The following GLI3 variants were observed in gnomAD, a reference collection of about 807,000 sequenced individuals.
GLI3 encodes the protein GLI family zinc finger 3.
A neutral mutation model predicts 100.8 loss-of-function variants in GLI3; 20 were observed. The observed-to-expected ratio is 0.20, with a 90% CI of 0.14 to 0.29. The LOEUF (loss-of-function observed/expected upper bound fraction) is 0.29, where lower values mean the gene tolerates loss of function less well. Ranked by LOEUF, GLI3 falls within the 10% of genes least tolerant of loss-of-function variation. The probability of loss-of-function intolerance (pLI) is 1.00; values close to 1 mark genes in which losing one functional copy is unlikely to be tolerated. For synonymous variants in GLI3, 938 were observed against 860.5 expected, an observed-to-expected ratio of 1.09 and a Z score of -1.58; for missense variants, 2,040 against 2,128.5, an observed-to-expected ratio of 0.96 and a Z score of 0.82.
At chr7:42,079,467 G>A (rs1227436443) in intron 3 of GLI3, among the ~76,000 whole-genome samples, 1 of 152,110 alleles carries the variant, frequency 6.6e-6, no homozygotes, top group African/African-American at 2.4e-5. Context: ...TGAAATATGG[G>A]GGTGGCTCTT....
intron 3 of GLI3, among the ~76,000 whole-genome samples, chr7:42,077,561 G>A (rs533031808): frequency 2.0e-5 from 3 of 151,922 alleles, no homozygotes; most frequent in South Asian, 2.1e-4. Flanking sequence ...TCCTCCCAAG[G>A]TAGTGTTAAC....
chr7:42,033,909 C>T (rs1371348529), intron 7 of GLI3, among the ~76,000 whole-genome samples: 1 of 152,186 alleles, frequency 6.6e-6, no homozygotes, highest in Admixed American at 6.5e-5. Flanking sequence ...TACACAAAGA[C>T]CCACATGCTC....
At chr7:42,151,360 A>G (rs1701559080) in intron 2 of GLI3, 1 of 152,248 alleles carries the variant, frequency 6.6e-6, no homozygotes, top group African/African-American at 2.4e-5. Flanking sequence ...CTTTCCAAGC[A>G]ATATTCCTGC....
intron 10 of GLI3, among the ~76,000 whole-genome samples, chr7:42,014,825 G>GTA (rs1788711353): frequency 6.6e-6 from 1 of 152,164 alleles, no homozygotes; most frequent in Admixed American, 6.5e-5. Flanking sequence ...GTGGCCACCA[G>GTA]GTGGTGACGA....
At chr7:42,094,517 C>T (rs1345300947) in intron 3 of GLI3, among the ~76,000 whole-genome samples, 1 of 151,964 alleles carries the variant, frequency 6.6e-6, no homozygotes, top group African/African-American at 2.4e-5. Flanking sequence ...AGGTGGATCA[C>T]TTGAGGTCAG....
intron 1 of GLI3, among the ~76,000 whole-genome samples, chr7:42,252,353 C>A (rs961860826): frequency 2.0e-5 from 3 of 151,924 alleles, no homozygotes; most frequent in East Asian, 1.9e-4. Flanking sequence ...GGGTGTTGGG[C>A]GGGAGGAGGA....
chr7:42,239,206 C>G (rs1193309660), upstream of GLI3, among the ~76,000 whole-genome samples: 3 of 152,288 alleles, frequency 2.0e-5, no homozygotes, highest in East Asian at 1.9e-4. Flanking sequence ...GCAGAGAGCA[C>G]GAGACTCAGA....
At chr7:42,174,352 G>T (rs1201980116) in intron 2 of GLI3, among the ~76,000 whole-genome samples, 3 of 152,130 alleles carry the variant, frequency 2.0e-5, no homozygotes, top group Non-Finnish European at 4.4e-5. Flanking sequence ...CTAATTTCCT[G>T]ACTTTGTTTA....
At chr7:42,102,629 C>T (rs1330944202) in intron 3 of GLI3, among the ~76,000 whole-genome samples, 1 of 152,194 alleles carries the variant, frequency 6.6e-6, no homozygotes, top group Admixed American at 6.5e-5. Flanking sequence ...GGCTTCAGTG[C>T]CTCACCAGGC....
At chr7:42,247,000 C>A (rs1788983313) in intron 1 of GLI3, among the ~76,000 whole-genome samples, 1 of 151,742 alleles carries the variant, frequency 6.6e-6, no homozygotes, top group African/African-American at 2.4e-5. Flanking sequence ...TTCCATTAAG[C>A]CGGTTGTACA....
intron 2 of GLI3, among the ~76,000 whole-genome samples, chr7:42,201,437 C>T (rs780909876): frequency 9.2e-5 from 14 of 152,090 alleles, no homozygotes; most frequent in Admixed American, 4.6e-4. Flanking sequence ...ATTCCAAGAC[C>T]CAAAGCTAGT....
chr7:42,005,897 G>C (rs999255533), intron 10 of GLI3, among the ~76,000 whole-genome samples: 1 of 152,152 alleles, frequency 6.6e-6, no homozygotes, highest in Non-Finnish European at 1.5e-5. Context: ...GCTGTTTTCA[G>C]GGCGTGAGGG....
intron 10 of GLI3, among the ~76,000 whole-genome samples, chr7:42,012,348 G>A (rs905143531): frequency 1.3e-5 from 2 of 152,084 alleles, no homozygotes; most frequent in Non-Finnish European, 2.9e-5. Flanking sequence ...GCACCACCAA[G>A]ATGGATTTTA....
At chr7:42,113,257 G>A (rs6463089) in intron 3 of GLI3, 45,316 of 508,554 alleles carry the variant, frequency 0.089, 2,255 homozygotes, top group African/African-American at 0.16. Flanking sequence ...ACAGAAGTAC[G>A]GAGCAGTGTG....
intron 10 of GLI3, among the ~76,000 whole-genome samples, chr7:42,002,757 T>C (rs1032462549): frequency 3.9e-5 from 6 of 152,216 alleles, no homozygotes; most frequent in Non-Finnish European, 7.3e-5. Context: ...AATCATAGCA[T>C]ACTTATTGGC....
chr7:42,134,014 G>A (rs1786360835), intron 3 of GLI3, among the ~76,000 whole-genome samples: 1 of 150,828 alleles, frequency 6.6e-6, no homozygotes, highest in Non-Finnish European at 1.5e-5. Context: ...TTGGGAGGTG[G>A]AGGTTGCAGT....
intron 3 of GLI3, among the ~76,000 whole-genome samples, chr7:42,098,186 A>G (rs1210112329): frequency 2.0e-5 from 3 of 152,036 alleles, no homozygotes; most frequent in Non-Finnish European, 4.4e-5. Flanking sequence ...GGAAGGCAGG[A>G]ATCAATGTGG....
chr7:42,131,669 T>C (rs1786279999), intron 3 of GLI3, among the ~76,000 whole-genome samples: 1 of 152,120 alleles, frequency 6.6e-6, no homozygotes, highest in South Asian at 2.1e-4. Context: ...GACACTATAA[T>C]AGAAAAGCTG....
chr7:42,100,516 G>C (rs138749747), intron 3 of GLI3, among the ~76,000 whole-genome samples: 13 of 151,712 alleles, frequency 8.6e-5, no homozygotes, highest in Middle Eastern at 3.4e-3. Context: ...TAGGCAGATC[G>C]ATTGAGCTCA....
Sources: gnomAD v4.1 joint callset for allele counts (sites outside exome capture counted in the v4.1 genomes callset) on GRCh38, gnomAD v4.1.1 for gene constraint, MANE v1.5 for transcripts, NCBI Gene and HGNC (gene_info 2026-07-23, HGNC 2026-07-21) for gene names.